The following CNTD1 variants were observed in gnomAD, a reference collection of about 807,000 sequenced individuals.
CNTD1 encodes the protein cyclin N-terminal domain containing 1, also known as cyclin N-terminal domain-containing protein 1.
In CNTD1, 17 loss-of-function variants were observed where a neutral mutation model predicts 36.3. The ratio of observed to expected loss-of-function variants is 0.47; its 90% CI spans 0.32 to 0.70. The LOEUF (loss-of-function observed/expected upper bound fraction) is 0.70, where lower values mean the gene tolerates loss of function less well. Ranked by LOEUF, CNTD1 falls within the 30% of genes least tolerant of loss-of-function variation. CNTD1 has a pLI of 0.03. For synonymous variants in CNTD1, 128 were observed against 153.3 expected, an observed-to-expected ratio of 0.83 and a Z score of 1.22; for missense variants, 338 against 386.1, an observed-to-expected ratio of 0.88 and a Z score of 1.04.
chr17:42,800,485 G>A (rs2054761327), intron 1 of CNTD1, among the ~76,000 whole-genome samples: 1 of 152,216 alleles, frequency 6.6e-6, no homozygotes, highest in South Asian at 2.1e-4. Flanking sequence ...TGGAAAGGTA[G>A]TTTGGAGACA....
Position 42,799,082 on chromosome 17 carries a change from G to A in CNTD1, c.15G>A (p.Met5Ile), listed in dbSNP as rs922721478. The A allele has an allele frequency of 3.7e-6, 6 of 1,613,914 alleles. No homozygotes were observed. In the African/African-American group the frequency reaches 8.0e-5, roughly 22 times the overall value. Residue 5 changes from methionine to isoleucine, a missense_variant, in exon 1 of 7, where the codon ATG becomes ATA. Physicochemically the swap from Met to Ile is conservative, Grantham distance 10. Transcript: ENST00000588408. ...GGCTCGTGAATATGGACGGACCCAT[G>A]AGGCCACGATCGGCCTCCCTCGTTG... MDGP[M>I]RPRSASLVDF...
At chr17:42,802,193 C>T (rs1042684221) in intron 1 of CNTD1, among the ~76,000 whole-genome samples, 17 of 151,884 alleles carry the variant, frequency 1.1e-4, no homozygotes, top group African/African-American at 3.6e-4. Context: ...ATAGGACAAT[C>T]CCGTCTATTT....
chr17:42,802,503 T>G (rs1239259706), intron 1 of CNTD1, among the ~76,000 whole-genome samples: 5 of 152,142 alleles, frequency 3.3e-5, no homozygotes, highest in Non-Finnish European at 5.9e-5. Context: ...AAGCCTAAAG[T>G]CCAGCAAATA....
chr17:42,801,186 CAAAA>C (rs1185539964), intron 1 of CNTD1, among the ~76,000 whole-genome samples: 2,835 of 74,174 alleles, frequency 0.038, 91 homozygotes, highest in African/African-American at 0.12. Context: ...CTCTGTCTCC[CAAAA>C]AAAAAAAAAA....
At chr17:42,804,679 A>G (rs533475160) in intron 3 of CNTD1, among the ~76,000 whole-genome samples, 71 of 152,044 alleles carry the variant, frequency 4.7e-4, no homozygotes, top group African/African-American at 1.5e-3. Context: ...GTGGTGGCGC[A>G]CACCTGTAAT....
chr17:42,804,638 T>C (rs888110318), intron 3 of CNTD1, among the ~76,000 whole-genome samples: 1 of 152,036 alleles, frequency 6.6e-6, no homozygotes, highest in Admixed American at 6.6e-5. Flanking sequence ...TAAAACCCTG[T>C]CTCTACTAAA....
At chr17:42,804,455 C>T (rs2054845311) in intron 3 of CNTD1, 59 bp downstream of exon 3, 1 of 1,412,192 alleles carries the variant, frequency 7.1e-7, no homozygotes, top group African/African-American at 1.4e-5. Context: ...AGCTTTTATA[C>T]AAAGGGGGGC....
In CNTD1 at chr17:42,804,533, C is replaced by T. The variant is rs545294373; in HGVS notation, c.417+137C>T. 4.8e-5 allele frequency: 36 copies of T among 751,418 alleles called. 1 individual carries two copies. Among genetic ancestry groups the T allele is most frequent in the South Asian group, 4.2e-4 (22 of 51,876 alleles). The allele number at this position is 751,418 out of a possible 1,614,324, so 46.5% of individuals were successfully genotyped here. ...TTACAAAGTAAAAACAACGGCCGGG[C>T]GCGGTGGCTCATGCCTGTAATCCCA... On this transcript the variant is annotated intron_variant, in intron 3 of 6. Coordinates refer to ENST00000588408, the MANE Select transcript of CNTD1 (RefSeq NM_173478.3).
chr17:42,805,674 A>G (rs961326542), intron 3 of CNTD1, 48 bp from the exon 4 acceptor site: 4 of 1,546,164 alleles, frequency 2.6e-6, no homozygotes, highest in African/African-American at 1.4e-5. Context: ...GTCAAGACGT[A>G]TGAACTTTAT....
intron 2 of CNTD1, 67 bp from the exon 3 acceptor site, chr17:42,804,158 C>A: frequency 6.9e-7 from 1 of 1,443,380 alleles, no homozygotes; most frequent in Non-Finnish European, 9.5e-7. Context: ...AATTTCTTAA[C>A]CAGCAAGTTA....
intron 1 of CNTD1, among the ~76,000 whole-genome samples, chr17:42,801,460 C>T (rs775868081): frequency 7.6e-6 from 1 of 130,828 alleles, no homozygotes; most frequent in Non-Finnish European, 1.6e-5. Flanking sequence ...CACGCCATTG[C>T]ATTCCAGCCT....
At chr17:42,805,201 A>G (rs2054858783) in intron 3 of CNTD1, among the ~76,000 whole-genome samples, 1 of 152,144 alleles carries the variant, frequency 6.6e-6, no homozygotes. Flanking sequence ...TCATTCAACA[A>G]ATACTTTCTG....
At chr17:42,801,514 T>A (rs1406888040) in intron 1 of CNTD1, among the ~76,000 whole-genome samples, 1,346 of 40,520 alleles carry the variant, frequency 0.033, 51 homozygotes, top group African/African-American at 0.072. Flanking sequence ...AAAAAAAATA[T>A]ATATATATAT....
chr17:42,805,358 A>G (rs1257665786), intron 3 of CNTD1: 1 of 169,344 alleles, frequency 5.9e-6, no homozygotes, highest in African/African-American at 2.4e-5. Context: ...GTAAATACAG[A>G]GGGCTATAAA....
chr17:42,806,622 T>C lies in CNTD1; in HGVS notation c.581-52T>C. 3 of 1,578,410 alleles carry C rather than the reference T, an allele frequency of 1.9e-6. No individual in the cohort carries two copies. In the South Asian group the frequency reaches 3.3e-5, roughly 18 times the overall value. ...CTTTATGTCACAACTGTGGTTATGA[T>C]CAGAGAAGACATGATCATAAATTCT... is the stretch of plus-strand genomic sequence containing the variant. On this transcript the variant is annotated intron_variant, in intron 4 of 6. Coordinates refer to ENST00000588408, the MANE Select transcript of CNTD1 (RefSeq NM_173478.3).
chr17:42,807,438 AAC>A (rs1440445949), intron 5 of CNTD1, among the ~76,000 whole-genome samples: 3 of 152,134 alleles, frequency 2.0e-5, no homozygotes, highest in Non-Finnish European at 4.4e-5. Context: ...AGAAAAAAAA[AAC>A]AGTCACAAGG....
chr17:42,801,510 AATATATATATATATATATATAT>A (rs1216506814), intron 1 of CNTD1, among the ~76,000 whole-genome samples: 2 of 54,356 alleles, frequency 3.7e-5, no homozygotes, highest in Non-Finnish European at 5.9e-5. Context: ...AAAAAAAAAA[AATATATATATATATATATATAT>A]ATATATATAT....
chr17:42,808,847 A>T (rs928916276), intron 6 of CNTD1, among the ~76,000 whole-genome samples: 1 of 152,236 alleles, frequency 6.6e-6, no homozygotes, highest in African/African-American at 2.4e-5. Context: ...CAGGAGTTGG[A>T]GACAAGCCTG....
Position 42,809,608 on chromosome 17 carries a change from C to A in CNTD1, c.*73C>A. The stretch of plus-strand genomic sequence containing the variant: ...ATGCCTCCCTCTGTTTACTTTCATA[C>A]TAAGGGTACAAAAATTCCAAGTCTC... On this transcript the variant is annotated 3_prime_UTR_variant, in exon 7 of 7. Coordinates refer to ENST00000588408, the MANE Select transcript of CNTD1 (RefSeq NM_173478.3). The A allele has an allele frequency of 7.3e-7, 1 of 1,365,544 alleles. No homozygotes were observed. The allele number at this position is 1,365,544 out of a possible 1,614,324, so 84.6% of individuals were successfully genotyped here.
Sources: allele counts gnomAD v4.1 joint callset (sites outside exome capture counted in the v4.1 genomes callset), GRCh38; gene constraint gnomAD v4.1.1; transcripts MANE v1.5; gene names NCBI Gene and HGNC (gene_info 2026-07-23, HGNC 2026-07-21).